The following LRP1B variants were observed in gnomAD, a reference collection of about 807,000 sequenced individuals.
The protein encoded by LRP1B is LDL receptor related protein 1B.
A neutral mutation model predicts 556.6 loss-of-function variants in LRP1B; 217 were observed. That is an observed-to-expected ratio of 0.39 (90% CI 0.35 to 0.44). LRP1B has a LOEUF of 0.44. Among genes scored for constraint, LRP1B ranks in the 20% least tolerant of loss-of-function variants. The probability of loss-of-function intolerance (pLI) is 1.00; values close to 1 mark genes in which losing one functional copy is unlikely to be tolerated. For synonymous variants in LRP1B, 2,047 were observed against 1,865.8 expected (o/e 1.10, Z -2.50); for missense variants, 5,053 against 5,620.8 (o/e 0.90, Z 3.23).
chr2:142,120,930 T>C (rs1038397283), intron 1 of LRP1B, among the ~76,000 whole-genome samples: 2 of 152,182 alleles, frequency 1.3e-5, no homozygotes, highest in Non-Finnish European at 2.9e-5. Flanking sequence ...GTGACTTTTA[T>C]TGTGAACCAT....
intron 1 of LRP1B, among the ~76,000 whole-genome samples, chr2:142,097,376 A>T (rs1033036499): frequency 4.0e-5 from 6 of 151,128 alleles, no homozygotes; most frequent in Admixed American, 2.0e-4. Context: ...ATTTGTATTT[A>T]TAAAGAAAGC....
At chr2:141,397,250 A>G (rs78552747) in intron 3 of LRP1B, among the ~76,000 whole-genome samples, 8,203 of 151,908 alleles carry the variant, frequency 0.054, 274 homozygotes, top group Middle Eastern at 0.12. Flanking sequence ...TAGGTATAAT[A>G]GGAAGAAAAA....
At chr2:141,226,397 G>A (rs959506681) in intron 6 of LRP1B, among the ~76,000 whole-genome samples, 5 of 151,936 alleles carry the variant, frequency 3.3e-5, no homozygotes, top group Admixed American at 6.6e-5. Flanking sequence ...GAGATGAGAC[G>A]TGCAATTTTT....
At chr2:141,193,562 A>G (rs1172867399) in intron 6 of LRP1B, among the ~76,000 whole-genome samples, 1 of 151,920 alleles carries the variant, frequency 6.6e-6, no homozygotes, top group Non-Finnish European at 1.5e-5. Flanking sequence ...CAAAGAAGGG[A>G]ACAATAGACA....
intron 43 of LRP1B, among the ~76,000 whole-genome samples, chr2:140,587,382 AC>A (rs1430668788): frequency 1.3e-5 from 2 of 152,170 alleles, no homozygotes; most frequent in African/African-American, 4.8e-5. Context: ...GAGACTATAA[AC>A]CCAAGACGCA....
At chr2:142,092,300 G>T (rs1706202270) in intron 1 of LRP1B, among the ~76,000 whole-genome samples, 1 of 150,770 alleles carries the variant, frequency 6.6e-6, no homozygotes, top group Admixed American at 6.7e-5. Flanking sequence ...TTTCTGCCAG[G>T]TAACTAAGCC....
chr2:141,790,974 T>G (rs1355666342), intron 2 of LRP1B, among the ~76,000 whole-genome samples: 1 of 152,038 alleles, frequency 6.6e-6, no homozygotes, highest in Non-Finnish European at 1.5e-5. Flanking sequence ...TACAGTAAAC[T>G]TGACATACAT....
At chr2:140,902,651 A>G (rs1172771635) in intron 23 of LRP1B, among the ~76,000 whole-genome samples, 2 of 152,210 alleles carry the variant, frequency 1.3e-5, no homozygotes, top group Non-Finnish European at 1.5e-5. Context: ...TTGCCTATGC[A>G]AAAACGAGCC....
chr2:140,908,329 C>G (rs1392226429), intron 21 of LRP1B, among the ~76,000 whole-genome samples: 1 of 134,770 alleles, frequency 7.4e-6, no homozygotes, highest in South Asian at 2.5e-4. Context: ...TGCTCTCTCT[C>G]TCTCTATATA....
chr2:140,871,471 A>G (rs958300479), intron 25 of LRP1B, among the ~76,000 whole-genome samples: 1 of 152,208 alleles, frequency 6.6e-6, no homozygotes, highest in Non-Finnish European at 1.5e-5. Context: ...ATGCTACAAC[A>G]GTGTCTATGT....
intron 18 of LRP1B, among the ~76,000 whole-genome samples, chr2:140,965,360 T>C (rs1285630578): frequency 1.7e-5 from 1 of 58,602 alleles, no homozygotes; most frequent in African/African-American, 7.5e-5. Context: ...TAAAATACCT[T>C]TTTTTTTTTC....
intron 25 of LRP1B, among the ~76,000 whole-genome samples, chr2:140,877,959 G>A (rs1427703819): frequency 6.6e-6 from 1 of 152,162 alleles, no homozygotes; most frequent in African/African-American, 2.4e-5. Flanking sequence ...GACAGCTTTA[G>A]TTCTATGTAT....
intron 66 of LRP1B, among the ~76,000 whole-genome samples, chr2:140,425,490 A>C (rs1421533655): frequency 1.3e-5 from 2 of 151,962 alleles, no homozygotes; most frequent in Admixed American, 1.3e-4. Flanking sequence ...TGCTCACTGC[A>C]ACTTCCACCT....
At chr2:141,458,705 A>C (rs1023296388) in intron 3 of LRP1B, among the ~76,000 whole-genome samples, 2 of 152,058 alleles carry the variant, frequency 1.3e-5, no homozygotes, top group Admixed American at 1.3e-4. Context: ...TGCTTCTATG[A>C]CTCACTTATA....
chr2:140,814,180 T>A (rs926526138), intron 31 of LRP1B, among the ~76,000 whole-genome samples: 2 of 152,038 alleles, frequency 1.3e-5, no homozygotes, highest in African/African-American at 4.8e-5. Flanking sequence ...GGCTCACTAT[T>A]TTGCTCAGGC....
intron 32 of LRP1B, among the ~76,000 whole-genome samples, chr2:140,785,695 C>A (rs1689872338): frequency 6.6e-6 from 1 of 152,138 alleles, no homozygotes; most frequent in African/African-American, 2.4e-5. Flanking sequence ...TAAATATCCT[C>A]CTGATGTATT....
intron 2 of LRP1B, among the ~76,000 whole-genome samples, chr2:141,553,059 G>A (rs1249130667): frequency 6.6e-6 from 1 of 151,844 alleles, no homozygotes; most frequent in African/African-American, 2.4e-5. Flanking sequence ...GGCTTTTCCT[G>A]TCTAGTGCTA....
chr2:141,809,458 G>A (rs1696265741), intron 2 of LRP1B, among the ~76,000 whole-genome samples: 2 of 151,932 alleles, frequency 1.3e-5, no homozygotes, highest in East Asian at 3.9e-4. Flanking sequence ...GTTGCCTGAA[G>A]AGCACAGGTT....
chr2:141,876,217 T>C (rs1407238534), intron 1 of LRP1B, among the ~76,000 whole-genome samples: 1 of 152,000 alleles, frequency 6.6e-6, no homozygotes, highest in Non-Finnish European at 1.5e-5. Context: ...AAGTTTGAGC[T>C]CCAAATGGAA....
Sources: gnomAD v4.1 joint callset for allele counts (sites outside exome capture counted in the v4.1 genomes callset) on GRCh38, gnomAD v4.1.1 for gene constraint, MANE v1.5 for transcripts, NCBI Gene and HGNC (gene_info 2026-07-23, HGNC 2026-07-21) for gene names.